The following ZNF618 variants were observed in gnomAD, a reference collection of about 807,000 sequenced individuals.
ZNF618 encodes the protein neural precursor cell expressed, developmentally down-regulated 10.
Under a neutral mutation model 103.0 loss-of-function variants are expected in ZNF618, and 34 were observed. The ratio of observed to expected loss-of-function variants is 0.33; its 90% confidence interval spans 0.25 to 0.44. The LOEUF (loss-of-function observed/expected upper bound fraction) is 0.44, where lower values mean the gene tolerates loss of function less well. Ranked by LOEUF, ZNF618 falls within the 20% of genes least tolerant of loss-of-function variation. The probability of loss-of-function intolerance (pLI) is 1.00; values close to 1 mark genes in which losing one functional copy is unlikely to be tolerated. For synonymous variants in ZNF618, 551 were observed against 542.2 expected, an observed-to-expected ratio of 1.02 and a Z score of -0.23; for missense variants, 1,059 against 1,295.4, an observed-to-expected ratio of 0.82 and a Z score of 2.80.
chr9:113,926,210 A>G (rs750183001), intron 1 of ZNF618, among the ~76,000 whole-genome samples: 1 of 144,138 alleles, frequency 6.9e-6, no homozygotes, highest in Non-Finnish European at 1.5e-5. Flanking sequence ...TGCTTGCATG[A>G]TTTCTGGAGA....
rs1025435902 is a variant in ZNF618, at chr9:113,935,013, G to A, written c.34-34104G>A. On this transcript the variant is annotated intron_variant, in intron 1 of 14. Coordinates refer to ENST00000374126, the MANE Select transcript of ZNF618 (RefSeq NM_001318042.2). Reference sequence around the variant, plus strand: ...CCCTCACAAGCCTGGCTGTCCCCAGGTGCAAGCCCAAGGGGCATAAGACCC... The same window carrying A: ...CCCTCACAAGCCTGGCTGTCCCCAGATGCAAGCCCAAGGGGCATAAGACCC... Among the ~76,000 whole-genome samples, 8 of 152,340 alleles carry A rather than the reference G, an allele frequency of 5.3e-5. No homozygotes were observed. In the East Asian group the frequency reaches 1.5e-3, roughly 29 times the overall value.
chr9:113,999,122 C>T (rs564574685), intron 4 of ZNF618, among the ~76,000 whole-genome samples: 1 of 152,334 alleles, frequency 6.6e-6, no homozygotes, highest in East Asian at 1.9e-4. Flanking sequence ...TGAACTCTCC[C>T]CATGCCCCAC....
At chr9:113,989,741 C>G (rs1839846605) in intron 3 of ZNF618, among the ~76,000 whole-genome samples, 1 of 152,258 alleles carries the variant, frequency 6.6e-6, no homozygotes, top group African/African-American at 2.4e-5. Flanking sequence ...AGACTCAAGT[C>G]CTGGTGCCTT....
chr9:113,938,164 T>TG (rs1382309963), intron 1 of ZNF618, among the ~76,000 whole-genome samples: 1 of 122,692 alleles, frequency 8.2e-6, no homozygotes, highest in African/African-American at 2.9e-5. Flanking sequence ...TTCAGGCTCC[T>TG]GTTTTTTTTT....
rs574159354 is a variant in ZNF618, at chr9:113,989,301, C to T, written c.337+721C>T. 2.5e-4 allele frequency among the ~76,000 whole-genome samples: 38 copies of T among 152,148 alleles called. No individual in the cohort carries two copies. In the South Asian group the frequency reaches 7.5e-3, roughly 30 times the overall value. ...GGCTGCTGCTCAGCTGCTGCACTGA[C>T]GGTTGCTGGGTGGGGATACGGCTCA... On this transcript the variant is annotated intron_variant, in intron 3 of 14. Transcript: ENST00000374126.
chr9:113,997,046 C>T (rs1383226663), intron 3 of ZNF618, among the ~76,000 whole-genome samples: 1 of 137,818 alleles, frequency 7.3e-6, no homozygotes, highest in African/African-American at 2.5e-5. Flanking sequence ...GGTAAAGGTT[C>T]TCTCTCTCTC....
At chr9:114,015,025 C>A (rs752092417) in intron 9 of ZNF618, among the ~76,000 whole-genome samples, 4 of 152,020 alleles carry the variant, frequency 2.6e-5, no homozygotes, top group Non-Finnish European at 4.4e-5. Flanking sequence ...AATATTTAGT[C>A]TTTGACAGAG....
At chr9:113,916,089 T>C (rs1286806292) in intron 1 of ZNF618, among the ~76,000 whole-genome samples, 1 of 151,874 alleles carries the variant, frequency 6.6e-6, no homozygotes, top group East Asian at 1.9e-4. Context: ...TGTGTGTGTG[T>C]GTGTGTCTGT....
At chr9:114,011,716 G>T (rs1332017923) in intron 9 of ZNF618, among the ~76,000 whole-genome samples, 1 of 152,254 alleles carries the variant, frequency 6.6e-6, no homozygotes, top group Non-Finnish European at 1.5e-5. Flanking sequence ...GCAGGAGTGA[G>T]TGCTGGGAAG....
intron 1 of ZNF618, among the ~76,000 whole-genome samples, chr9:113,937,233 C>T (rs1010214024): frequency 6.6e-6 from 1 of 152,246 alleles, no homozygotes; most frequent in South Asian, 2.1e-4. Context: ...CTTACTTTTT[C>T]GTGTCTTTCT....
At chr9:113,916,450 A>G (rs1394046851) in intron 1 of ZNF618, among the ~76,000 whole-genome samples, 1 of 152,118 alleles carries the variant, frequency 6.6e-6, no homozygotes, top group Non-Finnish European at 1.5e-5. Flanking sequence ...GACCCCTCAT[A>G]AGCTTCTCTT....
chr9:113,964,155 C>T (rs1191874035), intron 1 of ZNF618, among the ~76,000 whole-genome samples: 1 of 152,066 alleles, frequency 6.6e-6, no homozygotes, highest in Non-Finnish European at 1.5e-5. Flanking sequence ...AAGATGGCGG[C>T]CCCCTTCTAA....
chr9:114,007,610 G>A (rs1326625777), intron 7 of ZNF618, among the ~76,000 whole-genome samples, 171 bp downstream of exon 7: 2 of 152,148 alleles, frequency 1.3e-5, no homozygotes, highest in Non-Finnish European at 2.9e-5. Flanking sequence ...GGGCGGGAAC[G>A]TCACCATCAT....
chr9:113,936,958 T>C (rs1382063961), intron 1 of ZNF618, among the ~76,000 whole-genome samples: 1 of 152,192 alleles, frequency 6.6e-6, no homozygotes. Context: ...TAAAACTTGA[T>C]GGAGGGAGTT....
At chr9:113,939,930 T>A (rs1385880054) in intron 1 of ZNF618, among the ~76,000 whole-genome samples, 1 of 152,116 alleles carries the variant, frequency 6.6e-6, no homozygotes, top group Non-Finnish European at 1.5e-5. Context: ...ATGTTTAATA[T>A]CAAGTGTTTC....
chr9:113,993,817 C>G (rs766290274), intron 3 of ZNF618, among the ~76,000 whole-genome samples: 10 of 152,354 alleles, frequency 6.6e-5, no homozygotes, highest in Admixed American at 1.3e-4. Flanking sequence ...TCACAACTTA[C>G]AGCATTTTGC....
At chr9:114,036,617 G>A (rs987690602) in intron 13 of ZNF618, among the ~76,000 whole-genome samples, 2 of 152,244 alleles carry the variant, frequency 1.3e-5, no homozygotes, top group Non-Finnish European at 2.9e-5. Context: ...CGGAGAGGTG[G>A]GACAGAGTTG....
chr9:113,990,359 T>C (rs1182903293), intron 3 of ZNF618, among the ~76,000 whole-genome samples: 1 of 152,232 alleles, frequency 6.6e-6, no homozygotes, highest in Non-Finnish European at 1.5e-5. Flanking sequence ...TATGTCTCCA[T>C]GTTCCCTGCT....
At chr9:113,965,020 T>C (rs1281396428) in intron 1 of ZNF618, among the ~76,000 whole-genome samples, 1 of 150,054 alleles carries the variant, frequency 6.7e-6, no homozygotes, top group East Asian at 2.0e-4. Context: ...AATGTAATCA[T>C]ATAAGACAGC....
Sources: gnomAD v4.1 joint callset for allele counts (sites outside exome capture counted in the v4.1 genomes callset) on GRCh38, gnomAD v4.1.1 for gene constraint, MANE v1.5 for transcripts, NCBI Gene and HGNC (gene_info 2026-07-23, HGNC 2026-07-21) for gene names.